Variants in ADAMTS19 observed in about 807,000 individuals in gnomAD.
The protein encoded by ADAMTS19 is A disintegrin and metalloproteinase with thrombospondin motifs 19.
A neutral mutation model predicts 153.3 loss-of-function variants in ADAMTS19; 93 were observed. That is an observed-to-expected ratio of 0.61 (90% CI 0.51 to 0.72). The LOEUF (loss-of-function observed/expected upper bound fraction) is 0.72, where lower values mean the gene tolerates loss of function less well. ADAMTS19 is among the 30% of genes least tolerant of loss of function. The probability of loss-of-function intolerance (pLI) is 0.00; values close to 1 mark genes in which losing one functional copy is unlikely to be tolerated. For synonymous variants in ADAMTS19, 600 were observed against 556.6 expected, an observed-to-expected ratio of 1.08 and a Z score of -1.10; for missense variants, 1,482 against 1,552.1, an observed-to-expected ratio of 0.95 and a Z score of 0.76.
At chr5:129,468,308 T>C (rs1337551035) in intron 2 of ADAMTS19, among the ~76,000 whole-genome samples, 1 of 152,156 alleles carries the variant, frequency 6.6e-6, no homozygotes, top group African/African-American at 2.4e-5. Context: ...ATGGACGTTA[T>C]TATTAAAATT....
At chr5:129,660,640 T>C (rs1303711113) in intron 15 of ADAMTS19, among the ~76,000 whole-genome samples, 1 of 152,148 alleles carries the variant, frequency 6.6e-6, no homozygotes, top group Non-Finnish European at 1.5e-5. Flanking sequence ...TATATTTTCC[T>C]AGATTTCTAT....
chr5:129,623,892 G>A (rs561717196), intron 10 of ADAMTS19, among the ~76,000 whole-genome samples: 2 of 151,842 alleles, frequency 1.3e-5, no homozygotes, highest in South Asian at 2.1e-4. Context: ...AGGCCGAGAC[G>A]GGCGGATCAC....
rs557789791 is a variant in ADAMTS19 at position 129,698,029 on chromosome 5, T to C, written c.2954+3174T>C. ...GCAGAGTGTACAATACAACACACTA[T>C]TTATTTTTCATTCCCTGAACTCAAC... On this transcript the variant is annotated intron_variant, in intron 19 of 22. Coordinates refer to ENST00000274487, the MANE Select transcript of ADAMTS19 (RefSeq NM_133638.6). 7.4e-4 allele frequency among the ~76,000 whole-genome samples: 108 copies of C among 146,352 alleles called. 1 individual carries two copies. The South Asian group carries it at 0.022, about 30-fold the overall frequency.
chr5:129,504,648 A>G (rs1166999899), intron 2 of ADAMTS19, among the ~76,000 whole-genome samples: 1 of 152,026 alleles, frequency 6.6e-6, no homozygotes, highest in Non-Finnish European at 1.5e-5. Flanking sequence ...CCTTTAACCA[A>G]CATCTTCCCA....
chr5:129,730,948 G>A (rs1373673897), intron 21 of ADAMTS19, among the ~76,000 whole-genome samples: 2 of 151,162 alleles, frequency 1.3e-5, no homozygotes, highest in African/African-American at 4.9e-5. Context: ...GTTTTGTTTT[G>A]TTTTGTTTTG....
chr5:129,620,246 T>C (rs1444864302), intron 8 of ADAMTS19, among the ~76,000 whole-genome samples: 1 of 152,022 alleles, frequency 6.6e-6, no homozygotes, highest in East Asian at 1.9e-4. Flanking sequence ...TTGAAGAAAA[T>C]TTGATTCAGG....
chr5:129,724,600 C>A (rs1757130072), intron 21 of ADAMTS19, among the ~76,000 whole-genome samples: 1 of 152,052 alleles, frequency 6.6e-6, no homozygotes, highest in Admixed American at 6.6e-5. Context: ...CAGGGGCAGA[C>A]ACACAATAAG....
At position 129,701,455 on chromosome 5, in the gene ADAMTS19, G is replaced by T. The variant is rs763557017; in HGVS notation, c.3022G>T (p.Ala1008Ser). The T allele has an allele frequency of 1.7e-5, 28 of 1,614,080 alleles. No homozygotes were observed. Among genetic ancestry groups the T allele is most frequent in the Non-Finnish European group, 2.2e-5 (26 of 1,180,052 alleles). The change falls in exon 20 of 23, where the codon GCC (alanine) becomes TCC (serine). Residue 1008 changes from alanine (A) to serine (S), a missense_variant. Around this residue, in one of 2 missense-constraint regions of ADAMTS19, gnomAD observed 616 missense variants for 724.4 expected, o/e 0.85. Coordinates refer to ENST00000274487, the MANE Select transcript of ADAMTS19 (RefSeq NM_133638.6). Reference sequence around the variant, plus strand: ...AAAAGGAATGCAGAGCAGACAAGTGGCCTGTACCCAACAACTGAGCAATGG... The same window carrying T: ...AAAAGGAATGCAGAGCAGACAAGTGTCCTGTACCCAACAACTGAGCAATGG... Reference protein sequence around the residue: ...CGKGMQSRQVACTQQLSNGTL... With the variant: ...CGKGMQSRQVSCTQQLSNGTL...
chr5:129,720,293 T>A (rs969660827), intron 21 of ADAMTS19, among the ~76,000 whole-genome samples: 1 of 151,442 alleles, frequency 6.6e-6, no homozygotes, highest in Non-Finnish European at 1.5e-5. Flanking sequence ...TTCCTCAGCC[T>A]CCCGAGTAGC....
At chr5:129,465,810 A>G (rs1283624235) in intron 2 of ADAMTS19, among the ~76,000 whole-genome samples, 2 of 152,232 alleles carry the variant, frequency 1.3e-5, no homozygotes, top group African/African-American at 4.8e-5. Flanking sequence ...GCAAAATCTT[A>G]GGAATGATAG....
intron 2 of ADAMTS19, among the ~76,000 whole-genome samples, chr5:129,464,590 C>T (rs1249468713): frequency 6.6e-6 from 1 of 152,148 alleles, no homozygotes; most frequent in Non-Finnish European, 1.5e-5. Context: ...AATAGAACAT[C>T]AGCTATCCAG....
chr5:129,709,962 C>CTT (rs555829688), intron 21 of ADAMTS19, among the ~76,000 whole-genome samples: 1 of 143,834 alleles, frequency 7.0e-6, no homozygotes. Context: ...CCTCTATTTT[C>CTT]TTTTTTTTTT....
At chr5:129,501,400 A>C (rs1459119250) in intron 2 of ADAMTS19, among the ~76,000 whole-genome samples, 1 of 152,074 alleles carries the variant, frequency 6.6e-6, no homozygotes, top group East Asian at 1.9e-4. Context: ...CAGAGCCTTA[A>C]TGTACTATTT....
intron 7 of ADAMTS19, among the ~76,000 whole-genome samples, chr5:129,561,826 A>ATCTG (rs1344824461): frequency 7.0e-6 from 1 of 142,460 alleles, no homozygotes; most frequent in Non-Finnish European, 1.6e-5. Context: ...CCTACTATCT[A>ATCTG]TCTATCTATC....
At chr5:129,646,617 A>T (rs1417216175) in intron 11 of ADAMTS19, among the ~76,000 whole-genome samples, 1 of 152,212 alleles carries the variant, frequency 6.6e-6, no homozygotes, top group Non-Finnish European at 1.5e-5. Flanking sequence ...AGTAAGGGCT[A>T]TACATTGTGT....
intron 2 of ADAMTS19, among the ~76,000 whole-genome samples, chr5:129,482,952 T>C (rs1016055074): frequency 6.6e-6 from 1 of 152,198 alleles, no homozygotes; most frequent in Non-Finnish European, 1.5e-5. Context: ...CAAAATCTTT[T>C]CACATACAAA....
At position 129,528,756 on chromosome 5, in the gene ADAMTS19, A is replaced by C; in HGVS notation, c.1328+79A>C. On this transcript the variant is annotated intron_variant, in intron 6 of 22. Transcript: ENST00000274487. ...TGATCCCATTAATCCCTTAATAGAT[A>C]ATGTTTTTATTTCAGATTTCGTGTT... is the stretch of plus-strand genomic sequence containing the variant. 3 of 1,159,242 alleles carry C rather than the reference A, an allele frequency of 2.6e-6. No individual in the cohort carries two copies. The Admixed American group carries it at 8.8e-5, about 34-fold the overall frequency. The allele number at this position is 1,159,242 out of a possible 1,614,324, so 71.8% of individuals were successfully genotyped here.
At chr5:129,470,048 A>ATAT (rs1212513498) in intron 2 of ADAMTS19, among the ~76,000 whole-genome samples, 2 of 152,214 alleles carry the variant, frequency 1.3e-5, no homozygotes, top group Non-Finnish European at 2.9e-5. Context: ...ATTTAATCAT[A>ATAT]TATTAACCTA....
intron 2 of ADAMTS19, among the ~76,000 whole-genome samples, chr5:129,481,104 C>T (rs1161843691): frequency 2.0e-5 from 3 of 152,140 alleles, no homozygotes; most frequent in Non-Finnish European, 4.4e-5. Flanking sequence ...TATAAAGATA[C>T]TACCTGAGAC....
Sources: allele counts gnomAD v4.1 joint callset (sites outside exome capture counted in the v4.1 genomes callset), GRCh38; gene constraint gnomAD v4.1.1; regional missense constraint gnomAD v4.1.1; transcripts MANE v1.5; gene names NCBI Gene and HGNC (gene_info 2026-07-23, HGNC 2026-07-21).